MRPL16: variants seen among roughly 807,000 people sequenced by gnomAD.
The protein encoded by MRPL16 is large ribosomal subunit protein uL16m.
Under a neutral mutation model 22.7 loss-of-function variants are expected in MRPL16, and 17 were observed. That is an observed-to-expected ratio of 0.75 (90% CI 0.51 to 1.12). MRPL16 has a LOEUF of 1.12. MRPL16 is among the 50% of genes most tolerant of loss of function. The probability of loss-of-function intolerance (pLI) is 0.00; values close to 1 mark genes in which losing one functional copy is unlikely to be tolerated. For synonymous variants in MRPL16, 103 were observed against 112.8 expected (o/e 0.91, Z 0.55); for missense variants, 316 against 328.7 (o/e 0.96, Z 0.30).
At chr11:59,808,362 A>T (rs1165628844) in intron 2 of MRPL16, among the ~76,000 whole-genome samples, 2 of 152,210 alleles carry the variant, frequency 1.3e-5, no homozygotes, top group African/African-American at 2.4e-5. Context: ...CTCTCTTTTT[A>T]AAAATTTTAA....
rs376759179 is a variant in MRPL16, at chr11:59,806,354, C to A, written c.749G>T (p.Arg250Leu). 1 of 1,614,060 alleles carries A rather than the reference C, an allele frequency of 6.2e-7. No homozygotes were observed. The highest frequency in any genetic ancestry group is 8.5e-7 in the Non-Finnish European group (1 of 1,179,926). Reference protein sequence around the residue: ...KYWGKFYMPKRV With the variant: ...KYWGKFYMPKLV ...AGTTATCTCCTACACTCACTACACA[C>A]GTTTGGGCATGTAGAACTTGCCCCA... Residue 250 changes from arginine to leucine, a missense_variant, in exon 4 of 4, where the codon CGT (arginine) becomes CTT (leucine). Physicochemically the swap from Arg to Leu is moderately radical, Grantham distance 102 (BLOSUM62 -2). Transcript: ENST00000300151.
chr11:59,809,591 G>GGACA (rs1283197280), intron 2 of MRPL16: 1 of 413,508 alleles, frequency 2.4e-6, no homozygotes, highest in Non-Finnish European at 4.3e-6. Context: ...GTGGACCATG[G>GGACA]GACACACACC....
At chr11:59,810,019 T>C in intron 1 of MRPL16, 99 bp from the exon 2 acceptor site, 1 of 1,035,678 alleles carries the variant, frequency 9.7e-7, no homozygotes, top group Non-Finnish European at 1.4e-6. Flanking sequence ...TTATTTTATT[T>C]TTTTGAGACG....
In MRPL16 at chr11:59,809,901, G is replaced by T. The variant is rs139045250; in HGVS notation, c.75C>A (p.Pro25=). Residue 25 remains proline (P), a synonymous_variant, in exon 2 of 4, where the codon CCC becomes CCA. Transcript: ENST00000300151. ...GCAGTGTCTTTACGCCAGCACTGGCGGGGAGGAGTGCCCAGGAATCTACAA... is the reference window on the plus strand; with the variant it reads ...GCAGTGTCTTTACGCCAGCACTGGCTGGGAGGAGTGCCCAGGAATCTACAA... ...VPLSDSWALL[P]ASAGVKTLLP... 9.3e-6 allele frequency: 15 copies of T among 1,613,258 alleles called. No individual in the cohort carries two copies. The highest frequency in any genetic ancestry group is 1.3e-5 in the Non-Finnish European group (15 of 1,179,766).
intron 2 of MRPL16, chr11:59,808,878 T>G (rs1866141710): frequency 1.3e-5 from 2 of 152,222 alleles, no homozygotes; most frequent in African/African-American, 4.8e-5. Context: ...TCATCCTTAC[T>G]TGACGATTTG....
rs767818438 is a variant in MRPL16 at position 59,810,623 on chromosome 11, G to A, written c.36C>T (p.Leu12=). Residue 12 remains leucine (L), a synonymous_variant, in exon 1 of 4, where the codon CTC becomes CTT. Coordinates refer to ENST00000300151, the MANE Select transcript of MRPL16 (RefSeq NM_017840.4). The part of the protein sequence containing the change: ...WRLLARASAP[L]LRVPLSDSWA... ...TCTGACCTGACAAGGGCACCCGCAG[G>A]AGCGGCGCACTAGCGCGAGCCAGCA... 1.9e-6 allele frequency: 3 copies of A among 1,614,068 alleles called. No individual in the cohort carries two copies. The highest frequency in any genetic ancestry group is 1.6e-4 in the Middle Eastern group (1 of 6,084).
In MRPL16 at chr11:59,806,550, A is replaced by AGGGCAACTTGT. The variant is rs763853269; in HGVS notation, c.542_552dup (p.Phe185ThrfsTer10). 6.2e-7 allele frequency: 1 copy of AGGGCAACTTGT among 1,614,222 alleles called. No individual in the cohort carries two copies. The highest frequency in any genetic ancestry group is 1.1e-5 in the South Asian group (1 of 91,084). On this transcript the variant is annotated frameshift_variant, in exon 4 of 4. Transcript: ENST00000300151. LOFTEE classifies it high-confidence loss of function. Reference sequence around the variant, plus strand: ...CCGCGGCTCACAGCCTTTGCTGCGAAGGGCAACTTGTGGGCAACCTGGTCA... The same window carrying AGGGCAACTTGT: ...CCGCGGCTCACAGCCTTTGCTGCGAAGGGCAACTTGTGGGCAACTTGTGGGCAACCTGGTCA...
At position 59,807,584 on chromosome 11, in the gene MRPL16, A is replaced by G. The variant is rs1245998561; in HGVS notation, c.270+117T>C. On this transcript the variant is annotated intron_variant, in intron 3 of 3. Transcript: ENST00000300151. ...TCTGTACATACCAGTTTAAAGAGCA[A>G]CTGGTGGCAGTTCTAATAAAAACTG... 1.5e-4 allele frequency: 177 copies of G among 1,185,560 alleles called. 1 individual carries two copies. Among genetic ancestry groups the G allele is most frequent in the Non-Finnish European group, 3.6e-6 (3 of 843,440 alleles). 73.4% of individuals were successfully genotyped at this position (1,185,560 alleles called of 1,614,324 possible).
intron 3 of MRPL16, among the ~76,000 whole-genome samples, 194 bp from the exon 4 acceptor site, chr11:59,807,026 G>A (rs1399768086): frequency 6.6e-6 from 1 of 152,196 alleles, no homozygotes; most frequent in African/African-American, 2.4e-5. Flanking sequence ...TCAGTGGAGA[G>A]CCAGGAAGGC....
chr11:59,807,989 G>T, intron 2 of MRPL16, 140 bp from the exon 3 acceptor site: 1 of 1,007,454 alleles, frequency 9.9e-7, no homozygotes, highest in Non-Finnish European at 1.4e-6. Context: ...TCACTATGTT[G>T]CCCAGGTTGG....
chr11:59,807,668 A>AT, intron 3 of MRPL16, 33 bp downstream of exon 3: 1 of 1,590,272 alleles, frequency 6.3e-7, no homozygotes, highest in Non-Finnish European at 8.6e-7. Flanking sequence ...CCTAGCTTCC[A>AT]TCCCATTGCT....
chr11:59,806,539 C>A lies in MRPL16; in HGVS notation c.564G>T (p.Lys188Asn). 1.9e-6 allele frequency: 3 copies of A among 1,614,244 alleles called. No individual in the cohort carries two copies. The highest frequency in any genetic ancestry group is 1.7e-6 in the Non-Finnish European group (2 of 1,180,046). ...QVAHKLPFAA[K>N]AVSRGTLEKM... Reference sequence around the variant, plus strand: ...TCTCTAGAGTCCCGCGGCTCACAGCCTTTGCTGCGAAGGGCAACTTGTGGG... The same window carrying A: ...TCTCTAGAGTCCCGCGGCTCACAGCATTTGCTGCGAAGGGCAACTTGTGGG... The change falls in exon 4 of 4, where the codon AAG becomes AAT. Residue 188 changes from lysine to asparagine, a missense_variant. By Grantham distance (94) the Lys-to-Asn change is moderately conservative. Transcript: ENST00000300151.
At chr11:59,808,473 C>T (rs1866136033) in intron 2 of MRPL16, among the ~76,000 whole-genome samples, 1 of 152,172 alleles carries the variant, frequency 6.6e-6, no homozygotes, top group Non-Finnish European at 1.5e-5. Context: ...ACCACTATTA[C>T]CCAGATCAAC....
rs774200774 is a variant in MRPL16 at position 59,809,924 on chromosome 11, C to G, written c.56-4G>C. 6.2e-7 allele frequency: 1 copy of G among 1,612,084 alleles called. No homozygotes were observed. The highest frequency in any genetic ancestry group is 1.1e-5 in the South Asian group (1 of 90,874). Reference sequence around the variant, plus strand: ...GCGGGGAGGAGTGCCCAGGAATCTACAAAGACAAATCAAGTTAAACGACGA... The same window carrying G: ...GCGGGGAGGAGTGCCCAGGAATCTAGAAAGACAAATCAAGTTAAACGACGA... On this transcript the variant is annotated splice_region_variant and splice_polypyrimidine_tract_variant and intron_variant, in intron 1 of 3. Transcript: ENST00000300151.
At chr11:59,809,212 T>C (rs913011873) in intron 2 of MRPL16, among the ~76,000 whole-genome samples, 2 of 152,240 alleles carry the variant, frequency 1.3e-5, no homozygotes, top group Non-Finnish European at 2.9e-5. Context: ...TTTTACGATA[T>C]TGTGGCTTAA....
At chr11:59,810,262 G>C (rs1172637349) in intron 1 of MRPL16, 2 of 1,210,424 alleles carry the variant, frequency 1.7e-6, no homozygotes, top group Non-Finnish European at 2.1e-6. Flanking sequence ...GCCCGCCTCG[G>C]CCTCCCAAAG....
chr11:59,809,949 A>G (rs1263123592), intron 1 of MRPL16, 29 bp from the exon 2 acceptor site: 3 of 1,592,116 alleles, frequency 1.9e-6, no homozygotes. Context: ...TTAAACGACG[A>G]AGGTAACAGG....
chr11:59,806,320 C>G lies in MRPL16; in HGVS notation c.*27G>C. On this transcript the variant is annotated 3_prime_UTR_variant, in exon 4 of 4. Transcript: ENST00000300151. Reference sequence around the variant, plus strand: ...AAATGCAGAATCCTTCTTTCAGTAGCCTATATACAGTTATCTCCTACACTC... The same window carrying G: ...AAATGCAGAATCCTTCTTTCAGTAGGCTATATACAGTTATCTCCTACACTC... The G allele has an allele frequency of 1.2e-6, 2 of 1,605,394 alleles. No individual in the cohort carries two copies. Among genetic ancestry groups the G allele is most frequent in the Non-Finnish European group, 1.7e-6 (2 of 1,173,988 alleles).
rs1590848022 is a variant in MRPL16, at chr11:59,809,846, A to C, written c.121+9T>G. ...AAGATTTACGAACAGGAGAAAGACA[A>C]GCTCTCACCTTCAAAACTTGGTACT... On this transcript the variant is annotated intron_variant, in intron 2 of 3. Transcript: ENST00000300151. 3 of 1,609,858 alleles carry C rather than the reference A, an allele frequency of 1.9e-6. No individual in the cohort carries two copies. The highest frequency in any genetic ancestry group is 1.7e-6 in the Non-Finnish European group (2 of 1,177,100).
Sources: allele counts gnomAD v4.1 joint callset (sites outside exome capture counted in the v4.1 genomes callset), GRCh38; gene constraint gnomAD v4.1.1; transcripts MANE v1.5; gene names NCBI Gene and HGNC (gene_info 2026-07-23, HGNC 2026-07-21).